Variants in TET3 observed in about 807,000 individuals in gnomAD.
TET3 encodes tet methylcytosine dioxygenase 3, also known as methylcytosine dioxygenase TET3.
In TET3, 19 loss-of-function variants were observed where a neutral mutation model predicts 141.4. That is an observed-to-expected ratio of 0.13 (90% CI 0.09 to 0.20). The LOEUF (loss-of-function observed/expected upper bound fraction) is 0.20. Among genes scored for constraint, TET3 ranks in the 10% least tolerant of loss-of-function variants. The pLI is 1.00. For synonymous variants in TET3, 1,043 were observed against 980.9 expected, an observed-to-expected ratio of 1.06 and a Z score of -1.18; for missense variants, 1,874 against 2,356.9, an observed-to-expected ratio of 0.80 and a Z score of 4.24.
At position 74,100,491 on chromosome 2, in the gene TET3, G is replaced by A. The variant is rs758490482; in HGVS notation, c.3703G>A (p.Ala1235Thr). Residue 1235 changes from alanine to threonine, a missense_variant, in exon 12 of 12, where the codon GCG becomes ACG. Around this residue, in one of 10 missense-constraint regions of TET3, gnomAD observed 602 missense variants for 590.2 expected, o/e 1.02. Transcript: ENST00000409262. ...HFSSFKYSGN[A>T]VVESYSVLGN... is the part of the protein sequence containing the mutation. Reference sequence around the variant, plus strand: ...CAGCTCCTTCAAGTACAGCGGCAACGCGGTGGTGGAGAGCTACTCGGTGCT... The same window carrying A: ...CAGCTCCTTCAAGTACAGCGGCAACACGGTGGTGGAGAGCTACTCGGTGCT... The A allele has an allele frequency of 9.4e-6, 15 of 1,601,420 alleles. No homozygotes were observed. The highest frequency in any genetic ancestry group is 4.5e-5 in the East Asian group (2 of 44,182).
chr2:74,105,153 G>A lies in TET3; in HGVS notation c.*2977G>A, dbSNP rs1355703108. ...TGATTAACAGACATTTTTATCATGA[G>A]AAGAAAAATAAAGCCATTGCAACTA... On this transcript the variant is annotated 3_prime_UTR_variant, in exon 12 of 12. Coordinates refer to ENST00000409262, the MANE Select transcript of TET3 (RefSeq NM_001287491.2). The A allele has an allele frequency of 1.0e-5, 4 of 398,342 alleles. No individual in the cohort carries two copies. The Admixed American group carries it at 1.8e-4, about 18-fold the overall frequency. The allele number at this position is 398,342 out of a possible 1,614,324, so 24.7% of individuals were successfully genotyped here.
chr2:74,042,635 T>G (rs889094871), intron 3 of TET3, among the ~76,000 whole-genome samples: 1 of 152,178 alleles, frequency 6.6e-6, no homozygotes, highest in African/African-American at 2.4e-5. Context: ...CTCAAAGCAC[T>G]AAGATTGTTT....
the TET3 span, among the ~76,000 whole-genome samples, chr2:74,119,623 AT>A: frequency 6.6e-6 from 1 of 152,190 alleles, no homozygotes; most frequent in East Asian, 1.9e-4. Flanking sequence ...TTTCCCCTTT[AT>A]AATTAATAAG....
downstream of TET3, among the ~76,000 whole-genome samples, chr2:74,112,497 GTAAA>G (rs1356028444): frequency 1.4e-5 from 2 of 142,044 alleles, no homozygotes; most frequent in Admixed American, 7.4e-5. Flanking sequence ...ACTCAAGGAA[GTAAA>G]TAAACAGGAA....
At chr2:74,059,025 G>C (rs1688359940) in intron 4 of TET3, among the ~76,000 whole-genome samples, 1 of 152,206 alleles carries the variant, frequency 6.6e-6, no homozygotes, top group Non-Finnish European at 1.5e-5. Context: ...TGAGATTGCA[G>C]AGCCTAAGAT....
At chr2:74,081,972 G>A (rs1689854490) in intron 6 of TET3, among the ~76,000 whole-genome samples, 2 of 152,134 alleles carry the variant, frequency 1.3e-5, no homozygotes, top group Admixed American at 6.5e-5. Flanking sequence ...AGTCTGATGT[G>A]GCTTATCATG....
intron 3 of TET3, among the ~76,000 whole-genome samples, chr2:74,003,744 T>A (rs922569523): frequency 4.0e-5 from 6 of 151,182 alleles, no homozygotes; most frequent in African/African-American, 1.5e-4. Context: ...CCGGCGGGCG[T>A]CTGCTGTTAC....
At chr2:74,002,636 T>G in intron 2 of TET3, 1 of 365,786 alleles carries the variant, frequency 2.7e-6, no homozygotes, top group East Asian at 4.1e-5. Flanking sequence ...GCCGCGGGGA[T>G]TGGCTGGCGA....
intron 6 of TET3, among the ~76,000 whole-genome samples, chr2:74,085,063 GC>G (rs1690044462): frequency 6.6e-6 from 1 of 151,730 alleles, no homozygotes; most frequent in East Asian, 1.9e-4. Flanking sequence ...TGTGATGGTT[GC>G]ACAGCAATAT....
intron 2 of TET3, among the ~76,000 whole-genome samples, chr2:73,990,884 TGAC>T (rs1684287761): frequency 6.6e-6 from 1 of 152,094 alleles, no homozygotes; most frequent in African/African-American, 2.4e-5. Flanking sequence ...AAGGGAGAAT[TGAC>T]TAGAGAAGTG....
At chr2:74,013,845 A>G (rs1257055281) in intron 3 of TET3, among the ~76,000 whole-genome samples, 2 of 152,064 alleles carry the variant, frequency 1.3e-5, no homozygotes, top group Non-Finnish European at 2.9e-5. Context: ...CCATTCTTTT[A>G]TGAGGGGTGG....
intron 3 of TET3, among the ~76,000 whole-genome samples, chr2:74,031,826 T>A (rs1382115473): frequency 6.6e-6 from 1 of 152,202 alleles, no homozygotes; most frequent in African/African-American, 2.4e-5. Flanking sequence ...GGGATTCCTG[T>A]GAAAAGCTGA....
rs575318090 is a variant in TET3, at chr2:74,058,524, T to A, written c.2494+10113T>A. The stretch of plus-strand genomic sequence containing the variant: ...AAGGGTGAAGAATCACCTACAAGTT[T>A]AAAAAAAAAAAAAGTTGGTCACCTA... On this transcript the variant is annotated intron_variant, in intron 4 of 11. Transcript: ENST00000409262. Among the ~76,000 whole-genome samples, 505 of 144,946 alleles carry A rather than the reference T, an allele frequency of 3.5e-3. 1 individual carries two copies. The highest frequency in any genetic ancestry group is 6.1e-3 in the Non-Finnish European group (401 of 65,600).
In TET3 at chr2:73,986,332, G is replaced by A; in HGVS notation, c.-72G>A. On this transcript the variant is annotated 5_prime_UTR_variant, in exon 2 of 12. It adds an upstream start codon to the 5' untranslated region. Coordinates refer to ENST00000409262, the MANE Select transcript of TET3 (RefSeq NM_001287491.2). Reference sequence around the variant, plus strand: ...TGTTCTAGGCGAGAAGGACCTGTTGGTGGCCTTTGGAGGTGGCAGGAAACG... The same window carrying A: ...TGTTCTAGGCGAGAAGGACCTGTTGATGGCCTTTGGAGGTGGCAGGAAACG... 8.2e-7 allele frequency: 1 copy of A among 1,213,122 alleles called. No homozygotes were observed. Among genetic ancestry groups the A allele is most frequent in the Non-Finnish European group, 1.0e-6 (1 of 971,258 alleles). The allele number at this position is 1,213,122 out of a possible 1,614,324, so 75.1% of individuals were successfully genotyped here. A position where few individuals can be genotyped will look rare whatever the true frequency, so the allele number is the denominator to read the frequency against.
intron 6 of TET3, among the ~76,000 whole-genome samples, chr2:74,082,724 A>G (rs1488069736): frequency 2.0e-5 from 3 of 152,082 alleles, no homozygotes; most frequent in Non-Finnish European, 2.9e-5. Flanking sequence ...CAAATACCCT[A>G]TGTTTTTTGG....
chr2:73,990,650 G>C (rs555411115), intron 2 of TET3, among the ~76,000 whole-genome samples: 52 of 152,302 alleles, frequency 3.4e-4, no homozygotes, highest in Middle Eastern at 6.8e-3. Flanking sequence ...GAAAATGAGA[G>C]AAATGGAAAG....
In TET3 at chr2:74,047,445, G is replaced by C. The variant is rs1687695152; in HGVS notation, c.1528G>C (p.Glu510Gln). The C allele has an allele frequency of 2.5e-6, 4 of 1,612,532 alleles. No homozygotes were observed. In the East Asian group the frequency reaches 8.9e-5, roughly 36 times the overall value. Residue 510 changes from glutamate to glutamine, a missense_variant, in exon 4 of 12, where the codon GAG (glutamate) becomes CAG (glutamine). Physicochemically the swap from Glu to Gln is conservative, Grantham distance 29 (BLOSUM62 2). This residue lies in a region of TET3 where 484 missense variants were observed against 462.2 expected (regional missense o/e 1.05). Transcript: ENST00000409262. Reference protein sequence around the residue: ...APAPSPVLQREAPTPSSEPDT... With the variant: ...APAPSPVLQRQAPTPSSEPDT... ...GGCCCCATCCCCTGTACTTCAGAGG[G>C]AGGCTCCCACGCCATCCTCGGAGCC...
intron 4 of TET3, among the ~76,000 whole-genome samples, chr2:74,053,844 C>T (rs1688076227): frequency 6.6e-6 from 1 of 152,146 alleles, no homozygotes; most frequent in South Asian, 2.1e-4. Context: ...AAACCCCCCA[C>T]CCCACTGCAT....
At chr2:74,096,729 C>T (rs1690853441) in intron 10 of TET3, among the ~76,000 whole-genome samples, 2 of 148,042 alleles carry the variant, frequency 1.4e-5, no homozygotes, top group Admixed American at 1.4e-4. Context: ...GATGGCGCCA[C>T]TGCACTCCAG....
Sources: allele counts gnomAD v4.1 joint callset (sites outside exome capture counted in the v4.1 genomes callset), GRCh38; gene constraint gnomAD v4.1.1; regional missense constraint gnomAD v4.1.1; transcripts MANE v1.5; gene names NCBI Gene and HGNC (gene_info 2026-07-23, HGNC 2026-07-21).